MROH7: variants seen among roughly 807,000 people sequenced by gnomAD.
The protein encoded by MROH7 is maestro heat-like repeat-containing protein family member 7.
In MROH7, 113 loss-of-function variants were observed where a neutral mutation model predicts 129.2. That is an observed-to-expected ratio of 0.87 (90% CI 0.75 to 1.02). MROH7 has a LOEUF of 1.02. MROH7 is among the 50% of genes least tolerant of loss of function. MROH7 has a pLI of 0.00. For missense variants in MROH7, 1,601 were observed against 1,671.3 expected (o/e 0.96, Z 0.73); for synonymous variants, 655 against 667.9 (o/e 0.98, Z 0.30).
intron 20 of MROH7, among the ~76,000 whole-genome samples, 169 bp from the exon 21 acceptor site, chr1:54,702,454 G>A (rs1013820113): frequency 6.6e-6 from 1 of 152,078 alleles, no homozygotes; most frequent in African/African-American, 2.4e-5. Context: ...AAAGAAAAAG[G>A]TCCTAAATCA....
intron 3 of MROH7, chr1:54,663,912 C>T (rs1644773715): frequency 5.6e-6 from 2 of 359,432 alleles, no homozygotes; most frequent in South Asian, 2.1e-5. Context: ...ACTTCTCCAT[C>T]CTCCAGCGTC....
intron 3 of MROH7, among the ~76,000 whole-genome samples, chr1:54,660,818 G>GA (rs968183579): frequency 1.1e-4 from 16 of 149,770 alleles, no homozygotes; most frequent in African/African-American, 3.7e-4. Flanking sequence ...TCCATCTCCA[G>GA]AAAAAAAAGA....
chr1:54,681,893 T>C (rs1236024221), intron 13 of MROH7, among the ~76,000 whole-genome samples: 1 of 152,198 alleles, frequency 6.6e-6, no homozygotes, highest in Non-Finnish European at 1.5e-5. Context: ...GCTCATTAGC[T>C]GTGTAATCTT....
intron 11 of MROH7, 32 bp from the exon 12 acceptor site, chr1:54,679,231 A>AAAGCTC (rs1569931271): frequency 3.7e-6 from 6 of 1,612,060 alleles, no homozygotes; most frequent in South Asian, 2.2e-5. Context: ...GCTACCCATC[A>AAAGCTC]GTGTGTCATG....
chr1:54,669,402 T>C (rs1263754514), intron 5 of MROH7, among the ~76,000 whole-genome samples: 2 of 152,188 alleles, frequency 1.3e-5, no homozygotes, highest in Non-Finnish European at 2.9e-5. Context: ...CAAAATTATA[T>C]CTGTGTTTGT....
At chr1:54,675,081 T>G (rs539422747) in intron 10 of MROH7, among the ~76,000 whole-genome samples, 2 of 152,252 alleles carry the variant, frequency 1.3e-5, no homozygotes, top group South Asian at 2.1e-4. Flanking sequence ...GTTCAAATGA[T>G]TCTCCTGCCT....
Position 54,691,803 on chromosome 1 carries a change from A to AGTGTGTGTGTGTGTGTGT in MROH7, c.2712-604_2712-587dup, listed in dbSNP as rs373106798. Reference sequence around the variant, plus strand: ...CCTGGCGACAAAAAAAAAAAAAAAAAGTGTGTGTGTGTGTGTGTGTGTGTG... The same window carrying AGTGTGTGTGTGTGTGTGT: ...CCTGGCGACAAAAAAAAAAAAAAAAAGTGTGTGTGTGTGTGTGTGTGTGTGTGTGTGTGTGTGTGTGTG... On this transcript the variant is annotated intron_variant, in intron 15 of 23. Coordinates refer to ENST00000421030, the MANE Select transcript of MROH7 (RefSeq NM_001039464.4). Among the ~76,000 whole-genome samples the AGTGTGTGTGTGTGTGTGT allele has an allele frequency of 2.1e-4, 22 of 104,188 alleles. 1 individual carries two copies. The East Asian group carries it at 2.6e-3, about 12-fold the overall frequency. The allele number at this position is 104,188 out of a possible 152,430, so 68.4% of individuals were successfully genotyped here.
chr1:54,659,040 T>A, intron 3 of MROH7: 1 of 398,168 alleles, frequency 2.5e-6, no homozygotes, highest in Admixed American at 3.1e-5. Flanking sequence ...ATTCTTGAAC[T>A]TATTGCCAAT....
intron 3 of MROH7, chr1:54,664,069 C>T (rs689258): frequency 0.7 from 168,634 of 240,212 alleles, 59,179 homozygotes; most frequent in East Asian, 0.88. Flanking sequence ...AAGTTTTCAT[C>T]CCTGGACCAA....
intron 17 of MROH7, 29 bp downstream of exon 17, chr1:54,695,519 G>C: frequency 1.4e-6 from 2 of 1,480,966 alleles, no homozygotes; most frequent in Non-Finnish European, 1.9e-6. Context: ...GGTACACAGC[G>C]GGAGCTCCTC....
chr1:54,701,368 G>A, intron 19 of MROH7, 46 bp downstream of exon 19: 2 of 1,478,826 alleles, frequency 1.4e-6, no homozygotes, highest in Non-Finnish European at 1.8e-6. Context: ...CGAGAAGGGG[G>A]TCTTTTACTA....
chr1:54,686,056 G>C (rs964478110), intron 14 of MROH7, among the ~76,000 whole-genome samples: 2 of 151,956 alleles, frequency 1.3e-5, no homozygotes, highest in Non-Finnish European at 2.9e-5. Flanking sequence ...GGGGTGGATT[G>C]TTGTCCTTGC....
chr1:54,670,767 A>G (rs1644887476), intron 6 of MROH7, 33 bp from the exon 7 acceptor site: 1 of 1,595,998 alleles, frequency 6.3e-7, no homozygotes. Flanking sequence ...CCCCTCTCTC[A>G]CTCCATTTCT....
intron 15 of MROH7, among the ~76,000 whole-genome samples, chr1:54,689,998 A>G (rs1293663597): frequency 6.6e-6 from 1 of 152,182 alleles, no homozygotes; most frequent in Non-Finnish European, 1.5e-5. Flanking sequence ...CCTATCTCAA[A>G]AAAAGAAAGC....
intron 18 of MROH7, 88 bp from the exon 19 acceptor site, chr1:54,701,055 A>T (rs1569991835): frequency 1.4e-6 from 2 of 1,441,496 alleles, no homozygotes; most frequent in Non-Finnish European, 1.9e-6. Context: ...TTGGGCCACC[A>T]AGTTCATTTC....
chr1:54,702,353 T>C (rs1411949430), intron 20 of MROH7, 108 bp downstream of exon 20: 12 of 1,045,362 alleles, frequency 1.1e-5, no homozygotes, highest in African/African-American at 5.0e-5. Flanking sequence ...GGGGCAGTTA[T>C]GTATGTCCAG....
At chr1:54,673,947 T>C in intron 9 of MROH7, 69 bp from the exon 10 acceptor site, 2 of 1,574,846 alleles carry the variant, frequency 1.3e-6, no homozygotes, top group Non-Finnish European at 1.7e-6. Context: ...TATCCACCGG[T>C]GTTCACCATT....
intron 17 of MROH7, chr1:54,699,033 A>T (rs1205815400): frequency 6.6e-6 from 1 of 151,492 alleles, no homozygotes; most frequent in Non-Finnish European, 1.5e-5. Context: ...ACCTCAGGTG[A>T]TTTATCCACC....
intron 20 of MROH7, 115 bp downstream of exon 20, chr1:54,702,360 C>G: frequency 1.0e-6 from 1 of 984,138 alleles, no homozygotes; most frequent in Non-Finnish European, 1.4e-6. Flanking sequence ...TTATGTATGT[C>G]CAGCCATGTC....
Sources: allele counts gnomAD v4.1 joint callset (sites outside exome capture counted in the v4.1 genomes callset), GRCh38; gene constraint gnomAD v4.1.1; transcripts MANE v1.5; gene names NCBI Gene and HGNC (gene_info 2026-07-23, HGNC 2026-07-21).